The following FGFR2 variants were observed in gnomAD, a reference collection of about 807,000 sequenced individuals.
The protein encoded by FGFR2 is fibroblast growth factor receptor 2, also known as BEK fibroblast growth factor receptor.
FGFR2 carries 19 observed loss-of-function variants against 95.9 expected under a neutral mutation model. That is an observed-to-expected ratio of 0.20 (90% CI 0.14 to 0.29). The LOEUF is 0.29. Ranked by LOEUF, FGFR2 falls within the 10% of genes least tolerant of loss-of-function variation. FGFR2 has a pLI of 1.00. For missense variants in FGFR2, 707 were observed against 1,056.9 expected (o/e 0.67, Z 4.59); for synonymous variants, 392 against 393.3 (o/e 1.00, Z 0.04).
Position 121,598,342 on chromosome 10 carries a change from G to A in FGFR2, c.-531C>T, listed in dbSNP as rs946170523. ...GCAGTCGCCGCGCCGGGCCAGGTACGCCGCATGCAGCCCCGCGGCGCCCGA... is the reference window on the plus strand; with the variant it reads ...GCAGTCGCCGCGCCGGGCCAGGTACACCGCATGCAGCCCCGCGGCGCCCGA... On this transcript the variant is annotated 5_prime_UTR_variant, in exon 1 of 18. Transcript: ENST00000358487. The A allele has an allele frequency of 1.6e-4, 43 of 262,574 alleles. No individual in the cohort carries two copies. Among genetic ancestry groups the A allele is most frequent in the Admixed American group, 3.3e-4 (6 of 18,150 alleles). 16.3% of individuals were successfully genotyped at this position (262,574 alleles called of 1,614,324 possible).
intron 2 of FGFR2, among the ~76,000 whole-genome samples, chr10:121,586,658 CT>C (rs1167457988): frequency 1.3e-5 from 2 of 152,186 alleles, no homozygotes; most frequent in African/African-American, 4.8e-5. Flanking sequence ...TAAAGCACGC[CT>C]ATTTTACTTG....
At chr10:121,503,043 G>T (rs1005673815) in intron 10 of FGFR2, among the ~76,000 whole-genome samples, 1 of 152,196 alleles carries the variant, frequency 6.6e-6, no homozygotes, top group African/African-American at 2.4e-5. Flanking sequence ...GTCCTGGGAG[G>T]TCTGAACCAC....
At position 121,493,766 on chromosome 10, in the gene FGFR2, C is replaced by G. The variant is rs544543661; in HGVS notation, c.1863+2766G>C. ...CTCAGAGCTGAGCTGCTGCCTGCAG[C>G]TTCTTCATTATCTCCCCTTGGATGA... On this transcript the variant is annotated intron_variant, in intron 13 of 17. Coordinates refer to ENST00000358487, the MANE Select transcript of FGFR2 (RefSeq NM_000141.5). Among the ~76,000 whole-genome samples the G allele has an allele frequency of 5.9e-5, 9 of 152,220 alleles. No homozygotes were observed. The East Asian group carries it at 1.8e-3, about 30-fold the overall frequency.
chr10:121,499,579 C>A (rs982399519), intron 11 of FGFR2, among the ~76,000 whole-genome samples: 3 of 152,228 alleles, frequency 2.0e-5, no homozygotes, highest in Admixed American at 6.5e-5. Flanking sequence ...AGGCTGCCAG[C>A]CTGGGCATCA....
At chr10:121,526,811 G>A (rs540020138) in intron 6 of FGFR2, 35 of 398,566 alleles carry the variant, frequency 8.8e-5, no homozygotes, top group South Asian at 2.5e-4. Flanking sequence ...GCACATGCTC[G>A]TTTTGTTCTT....
chr10:121,552,953 C>A (rs1855601340), intron 4 of FGFR2, among the ~76,000 whole-genome samples: 1 of 152,172 alleles, frequency 6.6e-6, no homozygotes, highest in South Asian at 2.1e-4. Context: ...ATTTAGAAGT[C>A]TCCTCTATTC....
intron 10 of FGFR2, 140 bp from the exon 11 acceptor site, chr10:121,501,087 G>A (rs1203794391): frequency 8.6e-7 from 1 of 1,161,824 alleles, no homozygotes; most frequent in Non-Finnish European, 1.2e-6. Flanking sequence ...TGAGACTTAG[G>A]GTACACACGC....
rs1014244926 is a variant in FGFR2, at chr10:121,478,432, T to C, written c.*1425A>G. 1.3e-5 allele frequency: 3 copies of C among 233,468 alleles called. No individual in the cohort carries two copies. The highest frequency in any genetic ancestry group is 6.6e-5 in the African/African-American group (3 of 45,362). 14.5% of individuals were successfully genotyped at this position (233,468 alleles called of 1,614,324 possible). On this transcript the variant is annotated 3_prime_UTR_variant, in exon 18 of 18. Transcript: ENST00000358487. The stretch of plus-strand genomic sequence containing the variant: ...ATAAAAATTAACAGGTTTTATTAAA[T>C]ACTTTCTCCAATTTTGTAACACATA...
intron 2 of FGFR2, among the ~76,000 whole-genome samples, chr10:121,578,559 T>C (rs1341442865): frequency 1.3e-5 from 2 of 152,252 alleles, no homozygotes; most frequent in African/African-American, 2.4e-5. Flanking sequence ...TCTCAGACTT[T>C]ACTGTGCGTA....
Position 121,517,275 on chromosome 10 carries a change from C to T in FGFR2, c.1084+44G>A, listed in dbSNP as rs753965822. 5 of 1,609,230 alleles carry T rather than the reference C, an allele frequency of 3.1e-6. No individual in the cohort carries two copies. The Admixed American group carries it at 8.3e-5, about 27-fold the overall frequency. On this transcript the variant is annotated intron_variant, in intron 8 of 17. Transcript: ENST00000358487. This position sits in a 1 kb window ranked among gnomAD's most constrained non-coding sequence, Gnocchi z 4.7. ...GCTGTGTTAATTTTATAGCAGTCAA[C>T]CAAGAAAAGGGAAAAAAACCCAGAG... is the stretch of plus-strand genomic sequence containing the variant.
chr10:121,496,847 G>T, intron 12 of FGFR2, 125 bp from the exon 13 acceptor site: 1 of 849,728 alleles, frequency 1.2e-6, no homozygotes, highest in South Asian at 1.6e-5. Context: ...TTAACATACA[G>T]CGGCTGGGCG....
At chr10:121,560,894 G>A (rs558072608) in intron 4 of FGFR2, among the ~76,000 whole-genome samples, 24 of 152,250 alleles carry the variant, frequency 1.6e-4, no homozygotes, top group African/African-American at 5.8e-4. Context: ...GGTCTGAGGA[G>A]GAACCTGAGA....
At chr10:121,527,513 G>A (rs1851533096) in intron 6 of FGFR2, among the ~76,000 whole-genome samples, 1 of 152,150 alleles carries the variant, frequency 6.6e-6, no homozygotes, top group Non-Finnish European at 1.5e-5. Context: ...AAAACAAATT[G>A]AATGTACTTA....
chr10:121,522,997 C>T (rs932934178), intron 6 of FGFR2, among the ~76,000 whole-genome samples: 2 of 152,226 alleles, frequency 1.3e-5, no homozygotes, highest in African/African-American at 4.8e-5. Flanking sequence ...CAGATTAAAA[C>T]ATCATCTAGT....
chr10:121,572,162 A>G (rs1305162265), intron 2 of FGFR2, among the ~76,000 whole-genome samples: 6 of 145,410 alleles, frequency 4.1e-5, no homozygotes, highest in African/African-American at 1.2e-4. Context: ...AAAAATGAAA[A>G]AAAAAAAAAA....
chr10:121,485,023 G>A lies in FGFR2; in HGVS notation c.2195+372C>T, dbSNP rs558233821. 1.3e-5 allele frequency among the ~76,000 whole-genome samples: 2 copies of A among 152,218 alleles called. No individual in the cohort carries two copies. The highest frequency in any genetic ancestry group is 2.4e-5 in the African/African-American group (1 of 41,552). ...CCTACACCCTGCAGGGCGGCCCCGC[G>A]GCTTTCTAGCTTGTTTCCTGACCCG... is the stretch of plus-strand genomic sequence containing the variant. On this transcript the variant is annotated intron_variant, in intron 16 of 17. Coordinates refer to ENST00000358487, the MANE Select transcript of FGFR2 (RefSeq NM_000141.5). This position sits in a 1 kb window ranked among gnomAD's most constrained non-coding sequence, Gnocchi z 4.2.
At position 121,531,270 on chromosome 10, in the gene FGFR2, C is replaced by A. The variant is rs1300515328; in HGVS notation, c.748+7322G>T. 1 of 152,192 alleles carries A rather than the reference C, an allele frequency of 6.6e-6. No homozygotes were observed. Among genetic ancestry groups the A allele is most frequent in the Non-Finnish European group, 1.5e-5 (1 of 68,054 alleles). 9.4% of individuals were successfully genotyped at this position (152,192 alleles called of 1,614,324 possible). On this transcript the variant is annotated intron_variant, in intron 6 of 17. Transcript: ENST00000358487. This position sits in a 1 kb window ranked among gnomAD's most constrained non-coding sequence, Gnocchi z 4.5. ...GCTGGCACCCGCAGAATACCACCTG[C>A]TCCCAAAGGCTTCTTGCTGGGGTCA...
intron 6 of FGFR2, among the ~76,000 whole-genome samples, chr10:121,529,207 C>T (rs1190193505): frequency 3.3e-5 from 5 of 152,350 alleles, no homozygotes; most frequent in African/African-American, 1.2e-4. Context: ...CTCCCACGTT[C>T]AAGTGATTCT....
chr10:121,538,535 C>T (rs1359354209), intron 6 of FGFR2, 57 bp downstream of exon 6: 40 of 1,612,302 alleles, frequency 2.5e-5, no homozygotes, highest in South Asian at 3.3e-5. Context: ...TGCTTTCAAA[C>T]GAGTCAAGCA....
Sources: gnomAD v4.1 joint callset for allele counts (sites outside exome capture counted in the v4.1 genomes callset) on GRCh38, gnomAD v4.1.1 for gene constraint, Gnocchi (gnomAD v3.1) non-coding constraint, MANE v1.5 for transcripts, NCBI Gene and HGNC (gene_info 2026-07-23, HGNC 2026-07-21) for gene names.